ADGRL3: variants seen among roughly 807,000 people sequenced by gnomAD.
ADGRL3 encodes the protein adhesion G protein-coupled receptor L3, also known as calcium-independent alpha-latrotoxin receptor 3.
Under a neutral mutation model 153.5 loss-of-function variants are expected in ADGRL3, and 62 were observed. The ratio of observed to expected loss-of-function variants is 0.40; its 90% CI spans 0.33 to 0.50. The LOEUF (loss-of-function observed/expected upper bound fraction) is 0.50. Among genes scored for constraint, ADGRL3 ranks in the 20% least tolerant of loss-of-function variants. The probability of loss-of-function intolerance (pLI) is 0.47; values close to 1 mark genes in which losing one functional copy is unlikely to be tolerated. For synonymous variants in ADGRL3, 710 were observed against 672.5 expected (o/e 1.06, Z -0.86); for missense variants, 1,641 against 1,859.4 (o/e 0.88, Z 2.16).
intron 4 of ADGRL3, among the ~76,000 whole-genome samples, chr4:61,553,394 T>C (rs193161114): frequency 3.9e-4 from 59 of 152,296 alleles, no homozygotes; most frequent in African/African-American, 1.4e-3. Context: ...AATAGATTTT[T>C]GGGCAGATGA....
At chr4:61,451,524 T>G (rs958062806) in intron 2 of ADGRL3, among the ~76,000 whole-genome samples, 1 of 152,144 alleles carries the variant, frequency 6.6e-6, no homozygotes, top group Non-Finnish European at 1.5e-5. Context: ...GTTTACTTAT[T>G]AATACATTAC....
chr4:61,747,522 C>T (rs556331093), intron 8 of ADGRL3, among the ~76,000 whole-genome samples: 2 of 146,082 alleles, frequency 1.4e-5, no homozygotes, highest in South Asian at 4.4e-4. Flanking sequence ...ATCAAGTGGG[C>T]TTCATCCCTG....
At chr4:61,792,776 C>T (rs1458940396) in intron 8 of ADGRL3, among the ~76,000 whole-genome samples, 1 of 152,112 alleles carries the variant, frequency 6.6e-6, no homozygotes, top group Non-Finnish European at 1.5e-5. Flanking sequence ...GCATTGGCCA[C>T]AGTGCCTGGC....
At chr4:61,933,372 C>T (rs2098825706) in intron 13 of ADGRL3, among the ~76,000 whole-genome samples, 1 of 151,994 alleles carries the variant, frequency 6.6e-6, no homozygotes, top group Admixed American at 6.6e-5. Context: ...GAAAGCGGAT[C>T]ATTTTGTTGT....
At chr4:62,002,095 C>G (rs1250281651) in intron 21 of ADGRL3, among the ~76,000 whole-genome samples, 2 of 151,894 alleles carry the variant, frequency 1.3e-5, no homozygotes, top group Non-Finnish European at 2.9e-5. Context: ...CTCCTAACTT[C>G]TCTGTCCACA....
At chr4:62,024,240 C>T (rs1717010589) in intron 21 of ADGRL3, among the ~76,000 whole-genome samples, 1 of 152,058 alleles carries the variant, frequency 6.6e-6, no homozygotes, top group South Asian at 2.1e-4. Flanking sequence ...GATTCATAAG[C>T]AGCACACAAT....
intron 19 of ADGRL3, among the ~76,000 whole-genome samples, chr4:61,987,404 A>G (rs2099089699): frequency 6.6e-6 from 1 of 151,838 alleles, no homozygotes; most frequent in African/African-American, 2.4e-5. Flanking sequence ...CGAACTCCCA[A>G]CCTCAGGTGA....
At chr4:61,602,322 C>A (rs1293688511) in intron 5 of ADGRL3, among the ~76,000 whole-genome samples, 1 of 152,120 alleles carries the variant, frequency 6.6e-6, no homozygotes, top group Non-Finnish European at 1.5e-5. Flanking sequence ...AAAGTAATTA[C>A]TTGGTGAGAG....
At chr4:61,336,908 G>A (rs1264776991) in intron 1 of ADGRL3, among the ~76,000 whole-genome samples, 1 of 149,572 alleles carries the variant, frequency 6.7e-6, no homozygotes, top group Non-Finnish European at 1.5e-5. Flanking sequence ...TCTTAAAATA[G>A]GGATGAAAAT....
At chr4:61,853,927 G>A (rs1038673635) in intron 9 of ADGRL3, among the ~76,000 whole-genome samples, 2 of 152,172 alleles carry the variant, frequency 1.3e-5, no homozygotes, top group African/African-American at 4.8e-5. Flanking sequence ...GAACTTAAGA[G>A]ATCTATTACT....
At chr4:61,939,777 C>A (rs2098870770) in intron 15 of ADGRL3, among the ~76,000 whole-genome samples, 1 of 152,088 alleles carries the variant, frequency 6.6e-6, no homozygotes, top group South Asian at 2.1e-4. Context: ...CAAAATTTGC[C>A]AGTTTTTAGA....
At position 61,805,447 on chromosome 4, in the gene ADGRL3, G is replaced by A. The variant is rs182369629; in HGVS notation, c.1400-8362G>A. Reference sequence around the variant, plus strand: ...TGTCCTCTAGGGAACAAACCTCTTTGTTGTGACTTCCCTGGTTTATAGTTT... The same window carrying A: ...TGTCCTCTAGGGAACAAACCTCTTTATTGTGACTTCCCTGGTTTATAGTTT... On this transcript the variant is annotated intron_variant, in intron 8 of 26. Transcript: ENST00000683033. Among the ~76,000 whole-genome samples, 3 of 152,232 alleles carry A rather than the reference G, an allele frequency of 2.0e-5. No individual in the cohort carries two copies. In the East Asian group the frequency reaches 5.8e-4, roughly 29 times the overall value.
chr4:61,906,602 T>C (rs1477649195), intron 11 of ADGRL3, among the ~76,000 whole-genome samples: 1 of 152,122 alleles, frequency 6.6e-6, no homozygotes, highest in East Asian at 1.9e-4. Context: ...CAAAGTTTAA[T>C]AGACAATGGT....
Position 62,077,793 on chromosome 4 carries a change from CTAAG to C in ADGRL3, c.*6889_*6892del, listed in dbSNP as rs1560595654. 1.3e-5 allele frequency: 2 copies of C among 151,906 alleles called. No individual in the cohort carries two copies. The highest frequency in any genetic ancestry group is 4.8e-5 in the African/African-American group (2 of 41,394). The allele number at this position is 151,906 out of a possible 1,614,324, so 9.4% of individuals were successfully genotyped here. ...GAGAATAAAGATTTCCTTCATCACC[CTAAG>C]TAATAAAAGCTGATATGTCTTGAAA... On this transcript the variant is annotated 3_prime_UTR_variant, in exon 27 of 27. Coordinates refer to ENST00000683033, the MANE Select transcript of ADGRL3 (RefSeq NM_001387552.1).
intron 6 of ADGRL3, among the ~76,000 whole-genome samples, chr4:61,695,365 T>A (rs1362001981): frequency 6.6e-6 from 1 of 152,202 alleles, no homozygotes; most frequent in Non-Finnish European, 1.5e-5. Flanking sequence ...TTGTACATTA[T>A]CATCAGAGGT....
chr4:61,988,087 T>A (rs2099091948), intron 19 of ADGRL3, among the ~76,000 whole-genome samples: 1 of 152,152 alleles, frequency 6.6e-6, no homozygotes, highest in African/African-American at 2.4e-5. Context: ...TTGATGTTTT[T>A]CTATGAAATG....
chr4:61,704,615 G>T (rs564309261), intron 6 of ADGRL3, among the ~76,000 whole-genome samples: 5 of 152,240 alleles, frequency 3.3e-5, no homozygotes, highest in African/African-American at 1.2e-4. Flanking sequence ...AAACAATGAA[G>T]TGTTCACATG....
At chr4:61,332,610 A>T (rs540364346) in intron 1 of ADGRL3, among the ~76,000 whole-genome samples, 35 of 152,210 alleles carry the variant, frequency 2.3e-4, no homozygotes, top group African/African-American at 7.7e-4. Flanking sequence ...TTTTCTCGTG[A>T]TTTATCTTTT....
chr4:61,655,998 G>A (rs574938582), intron 5 of ADGRL3, among the ~76,000 whole-genome samples: 77 of 152,240 alleles, frequency 5.1e-4, no homozygotes, highest in African/African-American at 1.8e-3. Context: ...AGGATTGGTG[G>A]TTGACTTAGT....
Sources: gnomAD v4.1 joint callset for allele counts (sites outside exome capture counted in the v4.1 genomes callset) on GRCh38, gnomAD v4.1.1 for gene constraint, MANE v1.5 for transcripts, NCBI Gene and HGNC (gene_info 2026-07-23, HGNC 2026-07-21) for gene names.